The following ROBO1 variants were observed in gnomAD, a reference collection of about 807,000 sequenced individuals.
ROBO1 encodes the protein roundabout homolog 1.
A neutral mutation model predicts 195.9 loss-of-function variants in ROBO1; 149 were observed. The observed-to-expected ratio is 0.76, with a 90% CI of 0.67 to 0.87. The LOEUF is 0.87. Ranked by LOEUF, ROBO1 falls within the 40% of genes least tolerant of loss-of-function variation. The pLI, the probability that ROBO1 is intolerant of heterozygous loss-of-function variation, is 0.00. For missense variants in ROBO1, 1,933 were observed against 2,068.3 expected (o/e 0.93, Z 1.27); for synonymous variants, 816 against 733.2 (o/e 1.11, Z -1.82).
intron 2 of ROBO1, among the ~76,000 whole-genome samples, chr3:79,215,262 GAAAT>G (rs1285218984): frequency 6.6e-6 from 1 of 152,090 alleles, no homozygotes; most frequent in Non-Finnish European, 1.5e-5. Flanking sequence ...ATTATGTGTA[GAAAT>G]AGATCACGTG....
intron 3 of ROBO1, among the ~76,000 whole-genome samples, chr3:79,080,753 G>C (rs543763194): frequency 1.3e-5 from 2 of 152,094 alleles, no homozygotes; most frequent in African/African-American, 4.8e-5. Flanking sequence ...ATATTAAAAA[G>C]GTTCAGATGA....
chr3:79,384,760 G>A (rs1322888899), intron 2 of ROBO1, among the ~76,000 whole-genome samples: 1 of 151,910 alleles, frequency 6.6e-6, no homozygotes. Flanking sequence ...GCACACACAC[G>A]TTTTTAAAAG....
chr3:78,965,089 T>G (rs952474462), intron 3 of ROBO1, among the ~76,000 whole-genome samples: 34 of 152,138 alleles, frequency 2.2e-4, no homozygotes, highest in Admixed American at 3.3e-4. Context: ...ATGATATAAA[T>G]AATGTTGAGG....
chr3:78,782,930 C>T (rs752280486), intron 4 of ROBO1, among the ~76,000 whole-genome samples: 16 of 152,162 alleles, frequency 1.1e-4, no homozygotes, highest in Non-Finnish European at 2.2e-4. Context: ...GTTGAATAAA[C>T]TCATTCAGGT....
chr3:79,737,906 C>G (rs1185366434), intron 1 of ROBO1, among the ~76,000 whole-genome samples: 2 of 152,138 alleles, frequency 1.3e-5, no homozygotes, highest in Non-Finnish European at 2.9e-5. Flanking sequence ...GTTGCTTATT[C>G]CTTTCACCAC....
chr3:79,469,900 A>G (rs1464182884), intron 2 of ROBO1, among the ~76,000 whole-genome samples: 1 of 152,204 alleles, frequency 6.6e-6, no homozygotes, highest in East Asian at 1.9e-4. Context: ...ATTTAAAAAT[A>G]TAGTATTTTG....
intron 2 of ROBO1, among the ~76,000 whole-genome samples, chr3:79,268,669 G>A (rs781773949): frequency 4.0e-5 from 6 of 151,676 alleles, no homozygotes; most frequent in South Asian, 2.1e-4. Flanking sequence ...TTCCATATCC[G>A]TTTGGTGGAT....
At chr3:79,050,562 C>T (rs2078677541) in intron 3 of ROBO1, among the ~76,000 whole-genome samples, 1 of 152,148 alleles carries the variant, frequency 6.6e-6, no homozygotes, top group South Asian at 2.1e-4. Context: ...TAGACATCTA[C>T]TGAACTCTCC....
chr3:79,328,511 C>T (rs998144378), intron 2 of ROBO1, among the ~76,000 whole-genome samples: 3 of 151,968 alleles, frequency 2.0e-5, no homozygotes, highest in South Asian at 4.2e-4. Flanking sequence ...GGAGTTGTAT[C>T]GAGGCAGAAT....
intron 3 of ROBO1, among the ~76,000 whole-genome samples, chr3:78,966,205 CTCTG>C (rs1358249909): frequency 6.6e-6 from 1 of 152,202 alleles, no homozygotes; most frequent in Non-Finnish European, 1.5e-5. Context: ...CCCTGCCCCT[CTCTG>C]TCTGTGGAAA....
In ROBO1 at chr3:78,938,694, G is replaced by A. The variant is rs1422415265; in HGVS notation, c.406C>T (p.Arg136Trp). ...SLFFLRIVHG[R>W]KSRPDEGVYV... is the part of the protein sequence containing the mutation. ...ACTCCTTCATCAGGTCTACTTTTCC[G>A]TCCATGTACTATACGTAAGAAAAAT... Residue 136 changes from arginine to tryptophan, a missense_variant, in exon 4 of 31, where the codon CGG (arginine) becomes TGG (tryptophan). Arg to Trp is a moderately radical substitution (Grantham distance 101, BLOSUM62 -3). Coordinates refer to ENST00000464233, the MANE Select transcript of ROBO1 (RefSeq NM_002941.4). 6.2e-6 allele frequency: 10 copies of A among 1,613,850 alleles called. No homozygotes were observed. The highest frequency in any genetic ancestry group is 2.2e-5 in the East Asian group (1 of 44,882).
rs139048359 is a variant in ROBO1 at position 78,905,189 on chromosome 3, T to G, written c.499+33412A>C. 9.0e-4 allele frequency among the ~76,000 whole-genome samples: 137 copies of G among 152,314 alleles called. 2 individuals are homozygous for G. In the East Asian group the frequency reaches 0.019, roughly 21 times the overall value. On this transcript the variant is annotated intron_variant, in intron 4 of 30. Coordinates refer to ENST00000464233, the MANE Select transcript of ROBO1 (RefSeq NM_002941.4). Reference sequence around the variant, plus strand: ...TTATTAATTGAACTGCCTGGCATACTTCTTCCTAAGGAGCTCTTCTAAAAG... The same window carrying G: ...TTATTAATTGAACTGCCTGGCATACGTCTTCCTAAGGAGCTCTTCTAAAAG...
intron 2 of ROBO1, among the ~76,000 whole-genome samples, chr3:79,324,057 C>T (rs1270124942): frequency 2.0e-5 from 3 of 151,866 alleles, no homozygotes; most frequent in East Asian, 1.9e-4. Flanking sequence ...TCTAAATAAT[C>T]GAATCAATAA....
chr3:78,746,892 C>A lies in ROBO1; in HGVS notation c.508G>T (p.Asp170Tyr), dbSNP rs1310404070. The change falls in exon 5 of 31, where the codon GAT becomes TAT. Residue 170 changes from aspartate (D) to tyrosine (Y), a missense_variant. Transcript: ENST00000464233. Reference sequence around the variant, plus strand: ...TCCGAAGGGTTTTGTCTGAAGTCATCCCGAAGTACTGTAGGAACAAGATTA... The same window carrying A: ...TCCGAAGGGTTTTGTCTGAAGTCATACCGAAGTACTGTAGGAACAAGATTA... ...NASLEVAILR[D>Y]DFRQNPSDVM... 6.4e-7 allele frequency: 1 copy of A among 1,563,406 alleles called. No individual in the cohort carries two copies. Among genetic ancestry groups the A allele is most frequent in the African/African-American group, 1.4e-5 (1 of 74,058 alleles).
At chr3:79,561,385 G>A (rs939447488) in intron 2 of ROBO1, among the ~76,000 whole-genome samples, 13 of 152,154 alleles carry the variant, frequency 8.5e-5, no homozygotes, top group Non-Finnish European at 1.3e-4. Context: ...CTGGGAGCAT[G>A]GGCAAGATGT....
intron 4 of ROBO1, among the ~76,000 whole-genome samples, chr3:78,768,740 C>T (rs897579628): frequency 6.6e-6 from 1 of 151,412 alleles, no homozygotes; most frequent in Non-Finnish European, 1.5e-5. Context: ...CATGCTGGTG[C>T]GCTGGTGCGC....
At chr3:79,316,248 A>G (rs2033732879) in intron 2 of ROBO1, among the ~76,000 whole-genome samples, 2 of 152,162 alleles carry the variant, frequency 1.3e-5, no homozygotes, top group African/African-American at 4.8e-5. Context: ...GAGGAGGTTC[A>G]AGAATGGAAA....
chr3:79,454,321 A>G (rs1447235112), intron 2 of ROBO1, among the ~76,000 whole-genome samples: 1 of 152,112 alleles, frequency 6.6e-6, no homozygotes, highest in Non-Finnish European at 1.5e-5. Context: ...TTATTTGTCA[A>G]GGCATGTTTC....
intron 2 of ROBO1, among the ~76,000 whole-genome samples, chr3:79,176,280 TTC>T (rs1428125399): frequency 6.6e-6 from 1 of 152,232 alleles, no homozygotes; most frequent in African/African-American, 2.4e-5. Context: ...AGAAGATGTC[TTC>T]TCTCTCTGCT....
Sources: allele counts gnomAD v4.1 joint callset (sites outside exome capture counted in the v4.1 genomes callset), GRCh38; gene constraint gnomAD v4.1.1; transcripts MANE v1.5; gene names NCBI Gene and HGNC (gene_info 2026-07-23, HGNC 2026-07-21).